FAT3: variants seen among roughly 807,000 people sequenced by gnomAD.
FAT3 encodes the protein protocadherin Fat 3.
A neutral mutation model predicts 310.2 loss-of-function variants in FAT3; 95 were observed. That is an observed-to-expected ratio of 0.31 (90% CI 0.26 to 0.36). The LOEUF (loss-of-function observed/expected upper bound fraction) is 0.36. Ranked by LOEUF, FAT3 falls within the 10% of genes least tolerant of loss-of-function variation. The pLI, the probability that FAT3 is intolerant of heterozygous loss-of-function variation, is 1.00. For synonymous variants in FAT3, 2,314 were observed against 2,192.9 expected, an observed-to-expected ratio of 1.06 and a Z score of -1.54; for missense variants, 5,408 against 5,715.6, an observed-to-expected ratio of 0.95 and a Z score of 1.74.
At chr11:92,854,415 G>T (rs987884403) in intron 19 of FAT3, among the ~76,000 whole-genome samples, 1 of 152,140 alleles carries the variant, frequency 6.6e-6, no homozygotes, top group African/African-American at 2.4e-5. Context: ...CAGTAGGGGG[G>T]TGGGGCTCCC....
chr11:92,517,297 G>C (rs1414808031), intron 2 of FAT3, among the ~76,000 whole-genome samples: 1 of 151,896 alleles, frequency 6.6e-6, no homozygotes, highest in Non-Finnish European at 1.5e-5. Flanking sequence ...TAGACCAAAG[G>C]GACAGAACAG....
chr11:92,702,038 G>A (rs1157232545), intron 4 of FAT3, among the ~76,000 whole-genome samples: 1 of 152,196 alleles, frequency 6.6e-6, no homozygotes, highest in Non-Finnish European at 1.5e-5. Flanking sequence ...TTTTGGTACT[G>A]TTCACAGAGC....
intron 2 of FAT3, among the ~76,000 whole-genome samples, chr11:92,399,356 C>T (rs529458703): frequency 2.0e-5 from 3 of 152,218 alleles, no homozygotes; most frequent in Admixed American, 1.3e-4. Flanking sequence ...AGAATTCGGA[C>T]TAGAGATTCC....
intron 1 of FAT3, among the ~76,000 whole-genome samples, chr11:92,233,471 A>T (rs928312847): frequency 2.6e-5 from 4 of 152,200 alleles, no homozygotes; most frequent in Non-Finnish European, 4.4e-5. Context: ...TGCTACTATT[A>T]TCTTGGACTA....
intron 24 of FAT3, among the ~76,000 whole-genome samples, chr11:92,885,951 C>A (rs1949785734): frequency 6.6e-6 from 1 of 152,206 alleles, no homozygotes; most frequent in East Asian, 1.9e-4. Context: ...GCCACCATGC[C>A]TGTTCCTGAC....
intron 4 of FAT3, among the ~76,000 whole-genome samples, chr11:92,712,940 T>TA (rs1944568557): frequency 6.6e-6 from 1 of 152,230 alleles, no homozygotes; most frequent in South Asian, 2.1e-4. Context: ...TAAATGGTGT[T>TA]ATCTGGAGAT....
intron 1 of FAT3, among the ~76,000 whole-genome samples, chr11:92,330,285 T>C (rs1219659885): frequency 6.6e-6 from 1 of 152,198 alleles, no homozygotes; most frequent in East Asian, 1.9e-4. Flanking sequence ...ATTGCAGAAT[T>C]TGGCATTAAT....
chr11:92,333,107 A>G (rs781238329), intron 1 of FAT3, among the ~76,000 whole-genome samples: 1 of 152,176 alleles, frequency 6.6e-6, no homozygotes, highest in Non-Finnish European at 1.5e-5. Flanking sequence ...ATTTTTATGT[A>G]TAAAAACTGG....
At chr11:92,543,709 G>A (rs1361586699) in intron 3 of FAT3, among the ~76,000 whole-genome samples, 4 of 152,156 alleles carry the variant, frequency 2.6e-5, no homozygotes, top group African/African-American at 9.7e-5. Flanking sequence ...TCAGAAGTAA[G>A]CTAAATTCAA....
intron 2 of FAT3, among the ~76,000 whole-genome samples, chr11:92,494,018 G>A (rs1952681430): frequency 7.3e-6 from 1 of 136,984 alleles, no homozygotes; most frequent in South Asian, 2.6e-4. Context: ...AATTGTGTAA[G>A]TTATCTGATT....
In FAT3 at chr11:92,872,925, A is replaced by G. The variant is rs545570139; in HGVS notation, c.12127+5716A>G. On this transcript the variant is annotated intron_variant, in intron 22 of 27. Transcript: ENST00000525166. ...TAATTAGAATCTCACATGATAACCTATCCACCAGTTTTCTCATACTAATTG... is the reference window on the plus strand; with the variant it reads ...TAATTAGAATCTCACATGATAACCTGTCCACCAGTTTTCTCATACTAATTG... Among the ~76,000 whole-genome samples the G allele has an allele frequency of 3.3e-5, 5 of 152,324 alleles. No homozygotes were observed. The South Asian group carries it at 6.2e-4, about 19-fold the overall frequency.
At chr11:92,289,322 A>G (rs999969032) in intron 1 of FAT3, among the ~76,000 whole-genome samples, 12 of 151,988 alleles carry the variant, frequency 7.9e-5, no homozygotes, top group Non-Finnish European at 1.5e-4. Context: ...AGAGCCTAAT[A>G]TATTCAGTGA....
intron 3 of FAT3, among the ~76,000 whole-genome samples, chr11:92,527,674 C>A (rs1241768782): frequency 6.6e-6 from 1 of 152,170 alleles, no homozygotes; most frequent in African/African-American, 2.4e-5. Context: ...GCCTAGGGGG[C>A]AACCTTCAGC....
chr11:92,600,075 A>G (rs986860931), intron 3 of FAT3, among the ~76,000 whole-genome samples: 1 of 152,042 alleles, frequency 6.6e-6, no homozygotes, highest in African/African-American at 2.4e-5. Context: ...CATCCCCTCT[A>G]TGATCTGTGC....
At position 92,354,390 on chromosome 11, in the gene FAT3, A is replaced by G. The variant is rs368396115; in HGVS notation, c.2278A>G (p.Lys760Glu). The change falls in exon 2 of 28, where the codon AAA (lysine) becomes GAA (glutamate). Residue 760 changes from lysine to glutamate, a missense_variant. Physicochemically the swap from Lys to Glu is moderately conservative, Grantham distance 56. Around this residue, in one of 5 missense-constraint regions of FAT3, gnomAD observed 4,588 missense variants for 4,809.8 expected, o/e 0.95. Coordinates refer to ENST00000525166, the MANE Select transcript of FAT3 (RefSeq NM_001367949.2). ...TGATGCCGACTCTGGCTTCAATGGA[A>G]AAGTGCTATTTACAATATCAGATGG... ...AYDADSGFNG[K>E]VLFTISDGNT... 2 of 1,613,812 alleles carry G rather than the reference A, an allele frequency of 1.2e-6. No homozygotes were observed. Among genetic ancestry groups the G allele is most frequent in the Non-Finnish European group, 1.7e-6 (2 of 1,179,870 alleles).
chr11:92,635,053 G>C (rs1348169010), intron 3 of FAT3, among the ~76,000 whole-genome samples: 1 of 152,110 alleles, frequency 6.6e-6, no homozygotes, highest in Non-Finnish European at 1.5e-5. Flanking sequence ...CGGACTTCTA[G>C]CTCCAAGATG....
chr11:92,260,106 C>T (rs1865484343), intron 1 of FAT3, among the ~76,000 whole-genome samples: 1 of 152,190 alleles, frequency 6.6e-6, no homozygotes, highest in Admixed American at 6.5e-5. Flanking sequence ...TAAAACCTGT[C>T]AGCGTGACCC....
chr11:92,469,376 T>C (rs1417399385), intron 2 of FAT3, among the ~76,000 whole-genome samples: 1 of 152,230 alleles, frequency 6.6e-6, no homozygotes, highest in Non-Finnish European at 1.5e-5. Flanking sequence ...CTGTCTCTTC[T>C]TGGCAAAACA....
intron 2 of FAT3, among the ~76,000 whole-genome samples, chr11:92,385,512 C>T (rs1350679692): frequency 3.3e-5 from 5 of 152,020 alleles, no homozygotes; most frequent in Non-Finnish European, 1.5e-5. Context: ...GGATTACAGG[C>T]GTGTACCACC....
Sources: allele counts gnomAD v4.1 joint callset (sites outside exome capture counted in the v4.1 genomes callset), GRCh38; gene constraint gnomAD v4.1.1; regional missense constraint gnomAD v4.1.1; transcripts MANE v1.5; gene names NCBI Gene and HGNC (gene_info 2026-07-23, HGNC 2026-07-21).